ANTXR2: variants seen among roughly 807,000 people sequenced by gnomAD.
ANTXR2 encodes the protein anthrax toxin receptor 2.
Under a neutral mutation model 73.7 loss-of-function variants are expected in ANTXR2, and 44 were observed. The observed-to-expected ratio is 0.60, with a 90% confidence interval of 0.47 to 0.77. ANTXR2 has a LOEUF of 0.77. Ranked by LOEUF, ANTXR2 falls within the 30% of genes least tolerant of loss-of-function variation. The probability of loss-of-function intolerance (pLI) is 0.00; values close to 1 mark genes in which losing one functional copy is unlikely to be tolerated. For synonymous variants in ANTXR2, 217 were observed against 205.9 expected (o/e 1.05, Z -0.46); for missense variants, 604 against 592.5 (o/e 1.02, Z -0.20).
chr4:80,071,819 A>C (rs1215504583), intron 1 of ANTXR2, among the ~76,000 whole-genome samples, 165 bp from the exon 2 acceptor site: 3 of 152,150 alleles, frequency 2.0e-5, no homozygotes, highest in African/African-American at 4.8e-5. Context: ...CCCAGAGTTA[A>C]AGAAGTCAGT....
At chr4:80,001,860 T>G (rs1303450130) in intron 12 of ANTXR2, among the ~76,000 whole-genome samples, 4 of 151,404 alleles carry the variant, frequency 2.6e-5, no homozygotes, top group Non-Finnish European at 5.9e-5. Flanking sequence ...TATCAGAGAC[T>G]AGGATTGCAA....
Position 79,978,002 on chromosome 4 carries a change from C to G in ANTXR2, c.1347+5G>C, listed in dbSNP as rs1268093296. 6.3e-7 allele frequency: 1 copy of G among 1,579,640 alleles called. No homozygotes were observed. Among genetic ancestry groups the G allele is most frequent in the African/African-American group, 1.4e-5 (1 of 72,788 alleles). On this transcript the variant is annotated splice_donor_5th_base_variant and intron_variant, in intron 15 of 16. Coordinates refer to ENST00000403729, the MANE Select transcript of ANTXR2 (RefSeq NM_058172.6). The stretch of plus-strand genomic sequence containing the variant: ...AGTTAAATTACACAAAATCTGGACA[C>G]ATACCTTAATTGGGGTGTACCATTT...
At chr4:79,966,521 T>A (rs1729372260) in intron 16 of ANTXR2, among the ~76,000 whole-genome samples, 1 of 152,162 alleles carries the variant, frequency 6.6e-6, no homozygotes, top group African/African-American at 2.4e-5. Flanking sequence ...CCTGATACTC[T>A]TCCTGCCTCT....
chr4:80,042,441 G>T (rs1476998197), intron 7 of ANTXR2, among the ~76,000 whole-genome samples: 3 of 151,806 alleles, frequency 2.0e-5, no homozygotes, highest in African/African-American at 7.3e-5. Flanking sequence ...ACTTTTTCTG[G>T]ACATGGAGAA....
intron 12 of ANTXR2, among the ~76,000 whole-genome samples, chr4:79,993,409 AGG>A (rs1730565285): frequency 6.6e-6 from 1 of 151,850 alleles, no homozygotes. Context: ...GGAAGGACAA[AGG>A]AAGAAGGGAT....
At chr4:80,005,926 T>G (rs546319794) in intron 12 of ANTXR2, among the ~76,000 whole-genome samples, 6 of 152,278 alleles carry the variant, frequency 3.9e-5, no homozygotes, top group Non-Finnish European at 2.9e-5. Context: ...TCCTCCCCTA[T>G]GGGTTCATGC....
Position 80,055,439 on chromosome 4 carries a change from C to G in ANTXR2, c.407G>C (p.Gly136Ala), listed in dbSNP as rs1027309020. Residue 136 changes from glycine to alanine, a missense_variant, in exon 5 of 17, where the codon GGC becomes GCC. Physicochemically the swap from Gly to Ala is moderately conservative, Grantham distance 60. Transcript: ENST00000403729. The part of the protein sequence containing the change: ...LANEQIQKAG[G>A]LKTSSIIIAL... ...AATTATGATACTGGAGGTTTTCAAG[C>G]CTCCTGCTTTCTGAATTTGTTCATT... 3.1e-6 allele frequency: 5 copies of G among 1,610,606 alleles called. No individual in the cohort carries two copies. Among genetic ancestry groups the G allele is most frequent in the South Asian group, 1.1e-5 (1 of 90,806 alleles).
chr4:80,009,990 G>T (rs1731493540), intron 11 of ANTXR2, among the ~76,000 whole-genome samples: 1 of 151,222 alleles, frequency 6.6e-6, no homozygotes, highest in African/African-American at 2.4e-5. Flanking sequence ...GGGAACAAGG[G>T]GTATCTCCCA....
Position 80,019,120 on chromosome 4 carries a change from C to T in ANTXR2, c.867-144G>A. On this transcript the variant is annotated intron_variant, in intron 10 of 16. Transcript: ENST00000403729. ...AAACTCCTGACCTCAGATGATCCACCCACCTCGGCCTCCCAAAGTCCTAGG... is the reference window on the plus strand; with the variant it reads ...AAACTCCTGACCTCAGATGATCCACTCACCTCGGCCTCCCAAAGTCCTAGG... The T allele has an allele frequency of 5.4e-6, 3 of 553,048 alleles. 1 individual carries two copies. The allele number at this position is 553,048 out of a possible 1,614,324, so 34.3% of individuals were successfully genotyped here.
At chr4:79,964,970 G>C (rs908481518) in intron 16 of ANTXR2, 7 of 152,256 alleles carry the variant, frequency 4.6e-5, no homozygotes, top group African/African-American at 1.4e-4. Flanking sequence ...GCGAGAGAGG[G>C]CCCGAGCGGG....
At chr4:79,997,728 T>C (rs550475432) in intron 12 of ANTXR2, among the ~76,000 whole-genome samples, 9 of 152,110 alleles carry the variant, frequency 5.9e-5, no homozygotes, top group Non-Finnish European at 7.4e-5. Context: ...ACAATAAATA[T>C]AATTTAGAAT....
At chr4:80,019,081 A>C (rs1732018620) in intron 10 of ANTXR2, 105 bp from the exon 11 acceptor site, 1 of 744,018 alleles carries the variant, frequency 1.3e-6, no homozygotes, top group East Asian at 3.3e-5. Context: ...ACATACTTAA[A>C]GAGTAAGGGT....
At chr4:80,041,456 T>A (rs528990683) in intron 7 of ANTXR2, among the ~76,000 whole-genome samples, 8 of 151,970 alleles carry the variant, frequency 5.3e-5, no homozygotes, top group African/African-American at 1.2e-4. Flanking sequence ...TTTCTCAAAA[T>A]TTTTTTTTAA....
chr4:80,021,663 T>G (rs1377396926), intron 10 of ANTXR2, among the ~76,000 whole-genome samples: 1 of 152,124 alleles, frequency 6.6e-6, no homozygotes, highest in Non-Finnish European at 1.5e-5. Flanking sequence ...TAAAACAAAG[T>G]TTACTCTTTC....
At chr4:80,034,372 A>G (rs1732855252) in intron 8 of ANTXR2, among the ~76,000 whole-genome samples, 1 of 152,142 alleles carries the variant, frequency 6.6e-6, no homozygotes, top group Non-Finnish European at 1.5e-5. Context: ...TTGAAGCACA[A>G]ATAAAATTTT....
At chr4:80,068,003 A>G (rs998099662) in intron 3 of ANTXR2, among the ~76,000 whole-genome samples, 9 of 152,236 alleles carry the variant, frequency 5.9e-5, no homozygotes, top group Non-Finnish European at 1.0e-4. Context: ...AATTAAATTT[A>G]AAAAGAAGAA....
At chr4:79,947,429 T>C (rs1040201839) in intron 16 of ANTXR2, among the ~76,000 whole-genome samples, 1 of 152,102 alleles carries the variant, frequency 6.6e-6, no homozygotes, top group Admixed American at 6.6e-5. Flanking sequence ...GCTACAAAGA[T>C]GAAACAGCAA....
In ANTXR2 at chr4:79,905,920, T is replaced by A. The variant is rs1726886757; in HGVS notation, c.*1509A>T. ...TTGTTGAACTTATTTTTAGTGTCAT[T>A]TGATAAGCCTTTGTGCTCACAGAGA... On this transcript the variant is annotated 3_prime_UTR_variant, in exon 17 of 17. Coordinates refer to ENST00000403729, the MANE Select transcript of ANTXR2 (RefSeq NM_058172.6). The A allele has an allele frequency of 6.6e-6, 1 of 152,590 alleles. No homozygotes were observed. The highest frequency in any genetic ancestry group is 2.4e-5 in the African/African-American group (1 of 41,426). The allele number at this position is 152,590 out of a possible 1,614,324, so 9.5% of individuals were successfully genotyped here. A position where few individuals can be genotyped will look rare whatever the true frequency, so the allele number is the denominator to read the frequency against.
intron 14 of ANTXR2, among the ~76,000 whole-genome samples, chr4:79,978,750 A>G (rs996048926): frequency 3.9e-5 from 6 of 152,222 alleles, no homozygotes; most frequent in African/African-American, 1.4e-4. Flanking sequence ...TCGAACATGG[A>G]TTGAAATGGG....
Sources: gnomAD v4.1 joint callset for allele counts (sites outside exome capture counted in the v4.1 genomes callset) on GRCh38, gnomAD v4.1.1 for gene constraint, MANE v1.5 for transcripts, NCBI Gene and HGNC (gene_info 2026-07-23, HGNC 2026-07-21) for gene names.